LDLRAD4: variants seen among roughly 807,000 people sequenced by gnomAD.
The protein encoded by LDLRAD4 is low density lipoprotein receptor class A domain containing 4.
A neutral mutation model predicts 17.0 loss-of-function variants in LDLRAD4; 5 were observed. The ratio of observed to expected loss-of-function variants is 0.29; its 90% CI spans 0.15 to 0.62. The LOEUF (loss-of-function observed/expected upper bound fraction) is 0.62. Ranked by LOEUF, LDLRAD4 falls within the 20% of genes least tolerant of loss-of-function variation. The probability of loss-of-function intolerance (pLI) is 0.84; values close to 1 mark genes in which losing one functional copy is unlikely to be tolerated. For missense variants in LDLRAD4, 340 were observed against 424.7 expected (o/e 0.80, Z 1.75); for synonymous variants, 168 against 171.8 (o/e 0.98, Z 0.17).
intron 1 of LDLRAD4, among the ~76,000 whole-genome samples, chr18:13,350,343 T>C (rs2082967143): frequency 6.6e-6 from 1 of 152,254 alleles, no homozygotes; most frequent in South Asian, 2.1e-4. Flanking sequence ...TGAGATGGTA[T>C]CTCATTATGG....
chr18:13,466,785 G>T (rs2092631956), intron 3 of LDLRAD4, among the ~76,000 whole-genome samples: 8 of 152,188 alleles, frequency 5.3e-5, no homozygotes, highest in Admixed American at 3.9e-4. Context: ...TTCTGTGTCT[G>T]GTGGGGGCCT....
At position 13,621,029 on chromosome 18, in the gene LDLRAD4, G is replaced by A; in HGVS notation, c.182-88G>A. ...CAGACGTGTGTGAGAGGCCTTCAGGGCCTGATGGCTGGGGTGGTGACAGTG... is the reference window on the plus strand; with the variant it reads ...CAGACGTGTGTGAGAGGCCTTCAGGACCTGATGGCTGGGGTGGTGACAGTG... On this transcript the variant is annotated intron_variant, in intron 3 of 5. Transcript: ENST00000359446. This position sits in a 1 kb window ranked among gnomAD's most constrained non-coding sequence, Gnocchi z 5.5. 6.3e-7 allele frequency: 1 copy of A among 1,590,054 alleles called. No individual in the cohort carries two copies. Among genetic ancestry groups the A allele is most frequent in the Middle Eastern group, 1.7e-4 (1 of 5,988 alleles).
intron 1 of LDLRAD4, among the ~76,000 whole-genome samples, chr18:13,265,526 T>C (rs2044168895): frequency 6.6e-6 from 1 of 152,166 alleles, no homozygotes; most frequent in South Asian, 2.1e-4. Context: ...TCAAAACGTG[T>C]GACAGGGATG....
intron 1 of LDLRAD4, among the ~76,000 whole-genome samples, chr18:13,238,914 G>A (rs373739532): frequency 2.0e-4 from 30 of 152,184 alleles, no homozygotes; most frequent in Middle Eastern, 3.4e-3. Flanking sequence ...AAGGCCAGGC[G>A]GGTGGCTCAT....
At chr18:13,613,469 ATG>A (rs2039791946) in intron 3 of LDLRAD4, 1 of 152,168 alleles carries the variant, frequency 6.6e-6, no homozygotes, top group African/African-American at 2.4e-5. Context: ...TGGCTTATGT[ATG>A]TATTTTTTTC....
At chr18:13,642,555 GACACTCGCT>G (rs1318994247) in intron 4 of LDLRAD4, 2 of 1,228,196 alleles carry the variant, frequency 1.6e-6, no homozygotes, top group African/African-American at 3.1e-5. Flanking sequence ...GACTGGAGAA[GACACTCGCT>G]GGAGGATCCT....
Position 13,612,545 on chromosome 18 carries a change from A to C in LDLRAD4, c.182-8572A>C, listed in dbSNP as rs547636936. 1,676 of 1,298,022 alleles carry C rather than the reference A, an allele frequency of 1.3e-3. 3 individuals carry two copies. The highest frequency in any genetic ancestry group is 2.1e-3 in the African/African-American group (128 of 59,730). 80.4% of individuals were successfully genotyped at this position (1,298,022 alleles called of 1,614,324 possible). On this transcript the variant is annotated intron_variant, in intron 3 of 5. Coordinates refer to ENST00000359446, the Ensembl canonical transcript of LDLRAD4. The stretch of plus-strand genomic sequence containing the variant: ...GAGTGAACGAGGCAGACAGAAACAC[A>C]CCCCCCCCCCCTCCACGCTCACACA...
intron 3 of LDLRAD4, among the ~76,000 whole-genome samples, chr18:13,499,963 C>T (rs2093585039): frequency 6.6e-6 from 1 of 152,218 alleles, no homozygotes; most frequent in Non-Finnish European, 1.5e-5. Context: ...GTCTCACTTC[C>T]TTTCCTCCTC....
intron 1 of LDLRAD4, among the ~76,000 whole-genome samples, chr18:13,230,214 G>A (rs564487687): frequency 3.3e-5 from 5 of 152,240 alleles, no homozygotes; most frequent in South Asian, 2.1e-4. Flanking sequence ...CAGATCTGCC[G>A]GCACCTTGAT....
At chr18:13,602,076 T>C (rs1327163745) in intron 3 of LDLRAD4, among the ~76,000 whole-genome samples, 1 of 152,184 alleles carries the variant, frequency 6.6e-6, no homozygotes, top group Non-Finnish European at 1.5e-5. Flanking sequence ...TAAATATAAG[T>C]ATTTTCTCAC....
At position 13,461,618 on chromosome 18, in the gene LDLRAD4, T is replaced by G. The variant is rs898106934; in HGVS notation, c.181+23234T>G. Among the ~76,000 whole-genome samples, 25 of 152,336 alleles carry G rather than the reference T, an allele frequency of 1.6e-4. 1 individual carries two copies. The South Asian group carries it at 5.2e-3, about 32-fold the overall frequency. ...GCCCGGTTACAGAATTTTCTCCGCTTTAAAGACTCTCTAGCGGTTTCCCAT... is the reference window on the plus strand; with the variant it reads ...GCCCGGTTACAGAATTTTCTCCGCTGTAAAGACTCTCTAGCGGTTTCCCAT... On this transcript the variant is annotated intron_variant, in intron 3 of 5. Coordinates refer to ENST00000359446, the Ensembl canonical transcript of LDLRAD4.
At chr18:13,584,058 G>A (rs182063501) in intron 3 of LDLRAD4, among the ~76,000 whole-genome samples, 53 of 152,240 alleles carry the variant, frequency 3.5e-4, no homozygotes, top group Non-Finnish European at 7.2e-4. Flanking sequence ...AGGTGAGCCC[G>A]GCCCACCCGA....
At chr18:13,393,668 T>C (rs771658687) in intron 2 of LDLRAD4, among the ~76,000 whole-genome samples, 2 of 152,208 alleles carry the variant, frequency 1.3e-5, no homozygotes, top group Non-Finnish European at 2.9e-5. Flanking sequence ...GTTCTGCCGA[T>C]GCTCTTTAGA....
chr18:13,257,516 C>T (rs1388224745), intron 1 of LDLRAD4, among the ~76,000 whole-genome samples: 2 of 152,240 alleles, frequency 1.3e-5, no homozygotes, highest in African/African-American at 4.8e-5. Context: ...CTGCCCCATC[C>T]ATGCTGTGCT....
chr18:13,569,943 T>C (rs1384855419), intron 3 of LDLRAD4, among the ~76,000 whole-genome samples: 3 of 152,100 alleles, frequency 2.0e-5, no homozygotes, highest in African/African-American at 7.2e-5. Flanking sequence ...AAGAAGTTAT[T>C]TATATTTAGT....
chr18:13,299,167 G>T (rs1227437187), intron 1 of LDLRAD4, among the ~76,000 whole-genome samples: 1 of 152,246 alleles, frequency 6.6e-6, no homozygotes. Flanking sequence ...CACTGTGCTG[G>T]ATGGTGGACG....
intron 1 of LDLRAD4, among the ~76,000 whole-genome samples, chr18:13,263,260 C>T (rs139973172): frequency 6.9e-5 from 10 of 145,054 alleles, no homozygotes; most frequent in Non-Finnish European, 1.2e-4. Flanking sequence ...GCGTGGAAAC[C>T]GAATCCCATG....
intron 2 of LDLRAD4, among the ~76,000 whole-genome samples, chr18:13,412,307 G>A (rs1039427813): frequency 1.3e-5 from 2 of 152,164 alleles, no homozygotes; most frequent in Non-Finnish European, 2.9e-5. Context: ...AGCATGACAT[G>A]TCCTTTACAC....
At chr18:13,441,548 CGAGGT>C (rs2091022861) in intron 3 of LDLRAD4, among the ~76,000 whole-genome samples, 1 of 152,180 alleles carries the variant, frequency 6.6e-6, no homozygotes. Context: ...GAGGCTGAAG[CGAGGT>C]GAGACCTTCT....
Sources: gnomAD v4.1 joint callset for allele counts (sites outside exome capture counted in the v4.1 genomes callset) on GRCh38, gnomAD v4.1.1 for gene constraint, Gnocchi (gnomAD v3.1) non-coding constraint, MANE v1.5 for transcripts, NCBI Gene and HGNC (gene_info 2026-07-23, HGNC 2026-07-21) for gene names.